Variants in ABCB11 observed in about 807,000 individuals in gnomAD.
The protein encoded by ABCB11 is ATP binding cassette subfamily B member 11, also known as bile salt export pump.
ABCB11 carries 95 observed loss-of-function variants against 148.0 expected under a neutral mutation model. The ratio of observed to expected loss-of-function variants is 0.64; its 90% confidence interval spans 0.54 to 0.76. ABCB11 has a LOEUF of 0.76. Ranked by LOEUF, ABCB11 falls within the 30% of genes least tolerant of loss-of-function variation. The probability of loss-of-function intolerance (pLI) is 0.00; values close to 1 mark genes in which losing one functional copy is unlikely to be tolerated. For missense variants in ABCB11, 1,523 were observed against 1,617.8 expected (o/e 0.94, Z 1.01); for synonymous variants, 591 against 555.4 (o/e 1.06, Z -0.90).
intron 5 of ABCB11, among the ~76,000 whole-genome samples, chr2:169,009,051 T>A (rs1304129039): frequency 1.3e-5 from 2 of 152,232 alleles, no homozygotes. Flanking sequence ...ATTATTAATA[T>A]GACATGTTCA....
intron 3 of ABCB11, among the ~76,000 whole-genome samples, chr2:169,014,659 C>T (rs1695299642): frequency 1.3e-5 from 2 of 152,148 alleles, no homozygotes; most frequent in Admixed American, 1.3e-4. Context: ...ACTCTTTGCC[C>T]TCAGTCATGA....
intron 17 of ABCB11, among the ~76,000 whole-genome samples, chr2:168,964,561 G>C (rs577166218): frequency 1.3e-5 from 2 of 151,616 alleles, no homozygotes; most frequent in African/African-American, 2.4e-5. Context: ...CAGGGAGGGA[G>C]AAAGAGAAAG....
chr2:168,975,364 T>A (rs1693808629), intron 12 of ABCB11, among the ~76,000 whole-genome samples: 1 of 65,408 alleles, frequency 1.5e-5, no homozygotes, highest in African/African-American at 7.2e-5. Context: ...GATAAATATA[T>A]AAATATATAA....
chr2:169,013,924 A>G (rs35472607), intron 4 of ABCB11, among the ~76,000 whole-genome samples: 70 of 152,320 alleles, frequency 4.6e-4, no homozygotes, highest in Non-Finnish European at 9.4e-4. Flanking sequence ...AAGAATGCCA[A>G]TTTCTGCCTA....
At chr2:169,005,611 T>C (rs970001454) in intron 5 of ABCB11, among the ~76,000 whole-genome samples, 7 of 152,170 alleles carry the variant, frequency 4.6e-5, no homozygotes, top group Middle Eastern at 3.4e-3. Flanking sequence ...GCTGAAAATT[T>C]GCCCCAGACC....
chr2:168,944,591 C>A lies in ABCB11; in HGVS notation c.2610+14G>T. 1.3e-6 allele frequency: 2 copies of A among 1,576,738 alleles called. No homozygotes were observed. Among genetic ancestry groups the A allele is most frequent in the Non-Finnish European group, 1.7e-6 (2 of 1,163,788 alleles). ...TGCAGTTAATATACTTCTATTTCCCCTCCCATAGCTCACCCCTTGAACTTG... is the reference window on the plus strand; with the variant it reads ...TGCAGTTAATATACTTCTATTTCCCATCCCATAGCTCACCCCTTGAACTTG... On this transcript the variant is annotated intron_variant, in intron 21 of 27. Transcript: ENST00000650372.
intron 10 of ABCB11, among the ~76,000 whole-genome samples, chr2:168,982,325 A>G (rs2105989184): frequency 1.3e-5 from 2 of 152,308 alleles, no homozygotes; most frequent in Middle Eastern, 3.4e-3. Context: ...TTTAAGTGGT[A>G]GTATAATGAC....
In ABCB11 at chr2:169,004,639, T is replaced by A. The variant is rs188224329; in HGVS notation, c.390-7917A>T. ...TTCTCTGGTGCCTCCTTGATTAGCT[T>A]AATAATCAACCTTCTAAAGTCTTTT... On this transcript the variant is annotated intron_variant, in intron 5 of 27. Coordinates refer to ENST00000650372, the MANE Select transcript of ABCB11 (RefSeq NM_003742.4). Among the ~76,000 whole-genome samples the A allele has an allele frequency of 1.5e-3, 228 of 152,346 alleles. 1 individual carries two copies. Among genetic ancestry groups the A allele is most frequent in the Non-Finnish European group, 2.5e-3 (171 of 68,028 alleles).
chr2:169,008,143 CTATTG>C, intron 5 of ABCB11, among the ~76,000 whole-genome samples: 1 of 152,272 alleles, frequency 6.6e-6, no homozygotes, highest in Admixed American at 6.5e-5. Flanking sequence ...CCTAGGATGG[CTATTG>C]TATTGGTTTC....
chr2:168,923,889 G>C (rs1574388800), intron 27 of ABCB11, 67 bp from the exon 28 acceptor site: 1 of 1,490,598 alleles, frequency 6.7e-7, no homozygotes, highest in East Asian at 2.3e-5. Flanking sequence ...CATCATGAGA[G>C]TTCAGTTAAC....
rs1695294157 is a variant in ABCB11 at position 169,014,494 on chromosome 2, T to A, written c.99-140A>T. 5 of 733,984 alleles carry A rather than the reference T, an allele frequency of 6.8e-6. No homozygotes were observed. The South Asian group carries it at 8.6e-5, about 13-fold the overall frequency. 45.5% of individuals were successfully genotyped at this position (733,984 alleles called of 1,614,324 possible). ...TGGAAAATTCTGGCCAAACCTAGTA[T>A]CTTAAACACAAGCTTTATTCTTCTA... On this transcript the variant is annotated intron_variant, in intron 3 of 27. Transcript: ENST00000650372.
chr2:169,003,771 T>C (rs1478121463), intron 5 of ABCB11, among the ~76,000 whole-genome samples: 1 of 152,182 alleles, frequency 6.6e-6, no homozygotes, highest in Non-Finnish European at 1.5e-5. Context: ...TTTTGATTTT[T>C]TGATTATAGC....
intron 11 of ABCB11, 133 bp downstream of exon 11, chr2:168,979,733 G>T: frequency 2.8e-6 from 1 of 353,206 alleles, no homozygotes; most frequent in Non-Finnish European, 5.3e-6. Context: ...CATTTAATAA[G>T]TGTTGCTGAA....
chr2:169,026,786 G>A (rs1402441051), intron 1 of ABCB11, among the ~76,000 whole-genome samples: 1 of 152,134 alleles, frequency 6.6e-6, no homozygotes, highest in African/African-American at 2.4e-5. Flanking sequence ...GAAATGCAGT[G>A]GGAATCTAGT....
intron 19 of ABCB11, among the ~76,000 whole-genome samples, chr2:168,951,879 G>T (rs1351139852): frequency 1.3e-5 from 2 of 151,456 alleles, no homozygotes; most frequent in Non-Finnish European, 3.0e-5. Flanking sequence ...TTTGCTGTTG[G>T]TTTGTATGGC....
chr2:168,927,321 G>A lies in ABCB11; in HGVS notation c.3453C>T (p.Phe1151=). ...GHDSKKVNVQ[F]LRSNIGIVSQ... is the part of the protein sequence containing the mutation. ...AAACAATTCCAATGTTTGAGCGGAGGAACTGGACATTTACTTTTTTGCTGT... is the reference window on the plus strand; with the variant it reads ...AAACAATTCCAATGTTTGAGCGGAGAAACTGGACATTTACTTTTTTGCTGT... The change falls in exon 26 of 28, where the codon TTC becomes TTT. Residue 1151 remains phenylalanine, a synonymous_variant. Coordinates refer to ENST00000650372, the MANE Select transcript of ABCB11 (RefSeq NM_003742.4). The A allele has an allele frequency of 6.2e-7, 1 of 1,613,892 alleles. No homozygotes were observed. The highest frequency in any genetic ancestry group is 8.5e-7 in the Non-Finnish European group (1 of 1,179,814).
rs1691071456 is a variant in ABCB11 at position 168,921,455 on chromosome 2, C to T, written c.*2167G>A. 6.6e-6 allele frequency among the ~76,000 whole-genome samples: 1 copy of T among 152,022 alleles called. No individual in the cohort carries two copies. Among genetic ancestry groups the T allele is most frequent in the Non-Finnish European group, 1.5e-5 (1 of 67,996 alleles). On this transcript the variant is annotated 3_prime_UTR_variant, in exon 28 of 28. Transcript: ENST00000650372. Reference sequence around the variant, plus strand: ...TGGGAACCGTGGGTGCAGTCCTGCTCCCAAGGTTTTCATTTCTGTGACAAG... The same window carrying T: ...TGGGAACCGTGGGTGCAGTCCTGCTTCCAAGGTTTTCATTTCTGTGACAAG...
At chr2:168,976,770 T>TCTTTGG (rs1245945473) in intron 11 of ABCB11, 83 bp from the exon 12 acceptor site, 1 of 817,344 alleles carries the variant, frequency 1.2e-6, no homozygotes. Flanking sequence ...CAAATAAACA[T>TCTTTGG]CTTTGGCGTA....
intron 17 of ABCB11, among the ~76,000 whole-genome samples, chr2:168,966,428 G>A (rs547214061): frequency 6.6e-6 from 1 of 151,942 alleles, no homozygotes; most frequent in Non-Finnish European, 1.5e-5. Flanking sequence ...AGCCTAGGCT[G>A]TCATGAGGCC....
Sources: allele counts gnomAD v4.1 joint callset (sites outside exome capture counted in the v4.1 genomes callset), GRCh38; gene constraint gnomAD v4.1.1; transcripts MANE v1.5; gene names NCBI Gene and HGNC (gene_info 2026-07-23, HGNC 2026-07-21).